Variants in EHF observed in about 807,000 individuals in gnomAD.
The protein encoded by EHF is ETS homologous factor.
EHF carries 14 observed loss-of-function variants against 45.1 expected under a neutral mutation model. The ratio of observed to expected loss-of-function variants is 0.31; its 90% CI spans 0.21 to 0.49. The LOEUF is 0.49. Ranked by LOEUF, EHF falls within the 20% of genes least tolerant of loss-of-function variation. EHF has a pLI of 0.99. For synonymous variants in EHF, 136 were observed against 131.8 expected, an observed-to-expected ratio of 1.03 and a Z score of -0.22; for missense variants, 282 against 371.4, an observed-to-expected ratio of 0.76 and a Z score of 1.98.
chr11:34,624,283 G>A, intron 1 of EHF: 3 of 985,342 alleles, frequency 3.0e-6, no homozygotes, highest in Non-Finnish European at 3.6e-6. Context: ...TTTGTTACTG[G>A]GAAACCGAAC....
intron 1 of EHF, among the ~76,000 whole-genome samples, chr11:34,628,605 T>G (rs1852590129): frequency 6.6e-6 from 1 of 152,222 alleles, no homozygotes; most frequent in African/African-American, 2.4e-5. Context: ...GTGAAGGGAC[T>G]TTGGCATAAT....
At chr11:34,621,924 T>G (rs1487401689) in intron 1 of EHF, 1 of 152,234 alleles carries the variant, frequency 6.6e-6, no homozygotes, top group Non-Finnish European at 1.5e-5. Flanking sequence ...ACTAACCCTT[T>G]GTTTACTCCA....
chr11:34,624,337 G>A (rs752375274), intron 1 of EHF: 150 of 985,228 alleles, frequency 1.5e-4, no homozygotes, highest in Non-Finnish European at 1.8e-4. Flanking sequence ...GTCTGCGGCG[G>A]GGATTGCCAT....
Position 34,628,253 on chromosome 11 carries a change from TA to T in EHF, c.-4+7034del, listed in dbSNP as rs755319191. ...ACTCTGTCTCAAAAAAATTAAAAAA[TA>T]AAAAAAAACTCTGTAATTACTTTTG... On this transcript the variant is annotated intron_variant, in intron 1 of 8. Coordinates refer to ENST00000257831, the MANE Select transcript of EHF (RefSeq NM_012153.6). Among the ~76,000 whole-genome samples the T allele has an allele frequency of 4.4e-3, 669 of 151,498 alleles. 8 individuals carry two copies. The highest frequency in any genetic ancestry group is 0.023 in the South Asian group (110 of 4,792).
At chr11:34,653,106 A>G (rs1855342301) in intron 6 of EHF, among the ~76,000 whole-genome samples, 1 of 152,090 alleles carries the variant, frequency 6.6e-6, no homozygotes, top group Admixed American at 6.5e-5. Context: ...TCACACTCTG[A>G]GTTCCTCTGC....
intron 4 of EHF, among the ~76,000 whole-genome samples, chr11:34,650,009 T>G (rs1418370908): frequency 1.3e-5 from 2 of 152,274 alleles, no homozygotes; most frequent in Non-Finnish European, 2.9e-5. Context: ...TAGGCTTTGC[T>G]AGCCCTGCCT....
intron 1 of EHF, among the ~76,000 whole-genome samples, chr11:34,629,145 G>T (rs771677186): frequency 6.6e-6 from 1 of 152,198 alleles, no homozygotes; most frequent in Non-Finnish European, 1.5e-5. Flanking sequence ...TGAGGAGGGA[G>T]GATGTCGTTT....
chr11:34,652,766 G>T (rs1477957817), intron 6 of EHF, among the ~76,000 whole-genome samples: 1 of 152,118 alleles, frequency 6.6e-6, no homozygotes, highest in Non-Finnish European at 1.5e-5. Flanking sequence ...TTGCTTTTGA[G>T]AACTGAAATA....
intron 1 of EHF, among the ~76,000 whole-genome samples, chr11:34,622,940 C>T (rs443818): frequency 0.01 from 1,566 of 152,264 alleles, 12 homozygotes; most frequent in Non-Finnish European, 0.015. Flanking sequence ...CATGACCGCG[C>T]AAGATGGTAG....
In EHF at chr11:34,649,070, C is replaced by G. The variant is rs549297659; in HGVS notation, c.395C>G (p.Thr132Ser). Residue 132 changes from threonine (T) to serine (S), a missense_variant, in exon 4 of 9, where the codon ACT (threonine) becomes AGT (serine). By Grantham distance (58) the Thr-to-Ser change is moderately conservative. Transcript: ENST00000257831. ...FQSTHNVIVK[T>S]EQTEPSIMNT... ...TCCACACACAATGTCATTGTCAAGA[C>G]TGAACAAACTGGTGAGTAGTAGTGG... 1.1e-4 allele frequency: 178 copies of G among 1,613,924 alleles called. 3 individuals carry two copies. The South Asian group carries it at 1.9e-3, about 17-fold the overall frequency.
At chr11:34,635,472 A>G (rs1853301487) in intron 1 of EHF, among the ~76,000 whole-genome samples, 2 of 42,764 alleles carry the variant, frequency 4.7e-5, no homozygotes, top group Admixed American at 2.4e-4. Context: ...TTTTTTTGAG[A>G]TGGAGTTTCA....
At chr11:34,646,995 C>A in intron 3 of EHF, 2 of 408,726 alleles carry the variant, frequency 4.9e-6, no homozygotes, top group Non-Finnish European at 8.6e-6. Context: ...GTTTTCTTTC[C>A]TTTGCAAACA....
intron 1 of EHF, chr11:34,622,503 GAAA>G: frequency 2.9e-6 from 2 of 691,486 alleles, no homozygotes; most frequent in Non-Finnish European, 4.0e-6. Flanking sequence ...GGGGTCAGGG[GAAA>G]AATTTATTTC....
chr11:34,635,850 G>T (rs1443828188), intron 1 of EHF, among the ~76,000 whole-genome samples: 3 of 152,118 alleles, frequency 2.0e-5, no homozygotes, highest in Non-Finnish European at 4.4e-5. Flanking sequence ...GGACAGGAGG[G>T]ATGGCTTTCG....
chr11:34,636,847 T>C (rs558823176), intron 1 of EHF, among the ~76,000 whole-genome samples: 7 of 152,156 alleles, frequency 4.6e-5, no homozygotes, highest in African/African-American at 1.7e-4. Flanking sequence ...AGCCTCAACA[T>C]GGAGAAACCC....
At chr11:34,631,251 T>G (rs755844537) in intron 1 of EHF, among the ~76,000 whole-genome samples, 1 of 152,100 alleles carries the variant, frequency 6.6e-6, no homozygotes, top group Non-Finnish European at 1.5e-5. Flanking sequence ...ACATTGGTCT[T>G]GAACTCCTGA....
intron 3 of EHF, 27 bp from the exon 4 acceptor site, chr11:34,648,992 C>T (rs750180047): frequency 6.2e-7 from 1 of 1,608,718 alleles, no homozygotes; most frequent in South Asian, 1.1e-5. Flanking sequence ...TGGGCCCTCT[C>T]TGACTATCCC....
intron 1 of EHF, chr11:34,632,572 T>C (rs1852995326): frequency 6.5e-7 from 1 of 1,535,628 alleles, no homozygotes; most frequent in Admixed American, 2.0e-5. Context: ...AGTCAGAGTT[T>C]TCTGTGAAGG....
intron 1 of EHF, among the ~76,000 whole-genome samples, chr11:34,636,566 C>T (rs1412978829): frequency 6.6e-6 from 1 of 152,182 alleles, no homozygotes; most frequent in Non-Finnish European, 1.5e-5. Flanking sequence ...TCATTTAGTC[C>T]TCATATTAGC....
Sources: allele counts gnomAD v4.1 joint callset (sites outside exome capture counted in the v4.1 genomes callset), GRCh38; gene constraint gnomAD v4.1.1; transcripts MANE v1.5; gene names NCBI Gene and HGNC (gene_info 2026-07-23, HGNC 2026-07-21).